Variants in C22orf31 observed in about 807,000 individuals in gnomAD.
The protein encoded by C22orf31 is uncharacterized protein C22orf31.
C22orf31 carries 11 observed loss-of-function variants against 15.0 expected under a neutral mutation model. The observed-to-expected ratio is 0.73, with a 90% CI of 0.46 to 1.21. The LOEUF (loss-of-function observed/expected upper bound fraction) is 1.21. Ranked by LOEUF, C22orf31 falls within the 50% of genes most tolerant of loss-of-function variation. The probability of loss-of-function intolerance (pLI) is 0.00; values close to 1 mark genes in which losing one functional copy is unlikely to be tolerated. For missense variants in C22orf31, 340 were observed against 347.2 expected (o/e 0.98, Z 0.17); for synonymous variants, 132 against 133.3 (o/e 0.99, Z 0.07).
the C22orf31 span, among the ~76,000 whole-genome samples, chr22:29,072,622 C>G: frequency 1.3e-5 from 2 of 152,202 alleles, no homozygotes; most frequent in Admixed American, 6.5e-5. Context: ...CAAGGGAAAA[C>G]AGTTTGCAAA....
chr22:29,068,153 C>T, the C22orf31 span, among the ~76,000 whole-genome samples: 1 of 147,958 alleles, frequency 6.8e-6, no homozygotes, highest in Non-Finnish European at 1.5e-5. Flanking sequence ...ACTATCTCTG[C>T]TCACTACAAC....
At chr22:29,073,195 C>A in the C22orf31 span, 1 of 1,192,636 alleles carries the variant, frequency 8.4e-7, no homozygotes, top group Non-Finnish European at 1.0e-6. The surrounding 1 kb of genome is among the most constrained non-coding windows in gnomAD (Gnocchi z 4.4). Flanking sequence ...GCGGCCCGGC[C>A]CGCGCCTAGC....
the C22orf31 span, among the ~76,000 whole-genome samples, chr22:29,071,973 G>A: frequency 1.3e-5 from 2 of 152,174 alleles, no homozygotes; most frequent in African/African-American, 2.4e-5. Flanking sequence ...AAACGGCTGA[G>A]CCTCAGACAG....
chr22:29,059,611 G>T, intron 2 of C22orf31: 2 of 808,744 alleles, frequency 2.5e-6, no homozygotes, highest in Non-Finnish European at 3.0e-6. Flanking sequence ...TTAAGCCCGA[G>T]GTCGTCCTCA....
chr22:29,059,666 A>G (rs1317865330), intron 2 of C22orf31: 1 of 984,374 alleles, frequency 1.0e-6, no homozygotes, highest in African/African-American at 1.8e-5. Context: ...CCTGCTGGCC[A>G]CCACGGGGTA....
upstream of C22orf31, among the ~76,000 whole-genome samples, chr22:29,064,782 C>T (rs1473570593): frequency 7.2e-6 from 1 of 138,386 alleles, no homozygotes; most frequent in Non-Finnish European, 1.5e-5. Context: ...CTCAAGTGAT[C>T]CTCCTTGGCC....
At chr22:29,061,575 T>C (rs530261443) in intron 1 of C22orf31, among the ~76,000 whole-genome samples, 16 of 152,240 alleles carry the variant, frequency 1.1e-4, no homozygotes, top group Non-Finnish European at 2.4e-4. Flanking sequence ...TGAATACACT[T>C]TCTAACCAAC....
At chr22:29,066,939 A>T in the C22orf31 span, among the ~76,000 whole-genome samples, 86 of 151,450 alleles carry the variant, frequency 5.7e-4, no homozygotes, top group African/African-American at 2.0e-3. Context: ...GACAACTCTA[A>T]CTCATTATGT....
chr22:29,067,407 T>A, the C22orf31 span, among the ~76,000 whole-genome samples: 1 of 151,670 alleles, frequency 6.6e-6, no homozygotes. Context: ...TATTTTATTT[T>A]TTATTAATTA....
the C22orf31 span, among the ~76,000 whole-genome samples, chr22:29,071,078 G>A: frequency 6.6e-6 from 1 of 152,028 alleles, no homozygotes; most frequent in Non-Finnish European, 1.5e-5. Context: ...GGGTTCTCAG[G>A]TCCGGTGGAG....
the C22orf31 span, among the ~76,000 whole-genome samples, chr22:29,072,275 G>A: frequency 6.6e-6 from 1 of 152,158 alleles, no homozygotes; most frequent in Non-Finnish European, 1.5e-5. Context: ...CTCCTGAGTA[G>A]CTGGGACCAC....
At chr22:29,060,329 A>G (rs2037375754) in intron 2 of C22orf31, 86 bp downstream of exon 2, 1 of 1,271,464 alleles carries the variant, frequency 7.9e-7, no homozygotes, top group Non-Finnish European at 1.1e-6. Context: ...CGCACGCCAT[A>G]TAATCTCAAC....
intron 1 of C22orf31, among the ~76,000 whole-genome samples, 196 bp downstream of exon 1, chr22:29,061,594 A>G (rs134557): frequency 0.83 from 126,706 of 152,106 alleles, 53,332 homozygotes; most frequent in African/African-American, 0.96. Context: ...ACTGCCATGC[A>G]CCAAGAAGAG....
In C22orf31 at chr22:29,059,060, GC is replaced by G; in HGVS notation, c.554del (p.Gly185AlafsTer19). 1 of 1,614,212 alleles carries G rather than the reference GC, an allele frequency of 6.2e-7. No individual in the cohort carries two copies. Among genetic ancestry groups the G allele is most frequent in the Non-Finnish European group, 8.5e-7 (1 of 1,180,024 alleles). On this transcript the variant is annotated frameshift_variant, in exon 3 of 3. Coordinates refer to ENST00000216071, the MANE Select transcript of C22orf31 (RefSeq NM_015370.2). LOFTEE classifies it low-confidence loss of function (END_TRUNC). ...PQDSGTAAWKGRVLLPETQKR... is the reference protein window; with the variant it reads ...PQDSGTAAWKXRVLLPETQKR... ...TTTGGGTTTCAGGAAGCAACACTCG[GC>G]CCTTCCAGGCTGCTGTCCCACTGTC...
Position 29,060,636 on chromosome 22 carries a change from C to T in C22orf31, c.211G>A (p.Ala71Thr), listed in dbSNP as rs370531399. The change falls in exon 2 of 3, where the codon GCC (alanine) becomes ACC (threonine). Residue 71 changes from alanine (A) to threonine (T), a missense_variant. By Grantham distance (58) the Ala-to-Thr change is moderately conservative (BLOSUM62 0). Transcript: ENST00000216071. ...SWEVVRNPLI[A>T]SSFSLVKLVL... is the part of the protein sequence containing the mutation. ...AGCTTAACCAGGGAGAAGGAACTGG[C>T]AATTAATGGGTTCCTTACAACTTCC... 2.5e-6 allele frequency: 4 copies of T among 1,614,112 alleles called. No homozygotes were observed. The highest frequency in any genetic ancestry group is 2.5e-6 in the Non-Finnish European group (3 of 1,179,978).
chr22:29,072,978 G>A, the C22orf31 span: 1 of 150,982 alleles, frequency 6.6e-6, no homozygotes, highest in Admixed American at 6.7e-5. Flanking sequence ...AGGGGCGGTG[G>A]CGGCGCTGAG....
intron 2 of C22orf31, chr22:29,060,057 G>GCAAGACCCT: frequency 1.3e-6 from 1 of 786,674 alleles, no homozygotes; most frequent in Non-Finnish European, 1.5e-6. Context: ...TTTTAGACAG[G>GCAAGACCCT]GTCTTGCTCT....
At chr22:29,063,841 A>G (rs1050256951), upstream of C22orf31, among the ~76,000 whole-genome samples, 1 of 152,248 alleles carries the variant, frequency 6.6e-6, no homozygotes. Context: ...CAAAGGCTGA[A>G]CCCAACCAAA....
the C22orf31 span, among the ~76,000 whole-genome samples, chr22:29,070,267 G>T: frequency 2.6e-5 from 4 of 152,142 alleles, no homozygotes; most frequent in South Asian, 4.1e-4. Context: ...TTCTTAATAA[G>T]TTTGGACAAA....
Sources: gnomAD v4.1 joint callset for allele counts (sites outside exome capture counted in the v4.1 genomes callset) on GRCh38, gnomAD v4.1.1 for gene constraint, Gnocchi (gnomAD v3.1) non-coding constraint, MANE v1.5 for transcripts, NCBI Gene and HGNC (gene_info 2026-07-23, HGNC 2026-07-21) for gene names.